Variants in KCNQ3 observed in about 807,000 individuals in gnomAD.
The protein encoded by KCNQ3 is potassium voltage-gated channel subfamily Q member 3.
Under a neutral mutation model 92.5 loss-of-function variants are expected in KCNQ3, and 30 were observed. The ratio of observed to expected loss-of-function variants is 0.32; its 90% CI spans 0.24 to 0.44. KCNQ3 has a LOEUF of 0.44. KCNQ3 is among the 20% of genes least tolerant of loss of function. The pLI, the probability that KCNQ3 is intolerant of heterozygous loss-of-function variation, is 1.00. For synonymous variants in KCNQ3, 450 were observed against 468.8 expected (o/e 0.96, Z 0.52); for missense variants, 913 against 1,140.3 (o/e 0.80, Z 2.87).
At chr8:132,246,327 T>G (rs1455764586) in intron 1 of KCNQ3, among the ~76,000 whole-genome samples, 1 of 152,178 alleles carries the variant, frequency 6.6e-6, no homozygotes, top group Admixed American at 6.5e-5. Context: ...AGAAGGAACA[T>G]GAGGGGGAAC....
At chr8:132,387,227 A>T (rs1235037939) in intron 1 of KCNQ3, among the ~76,000 whole-genome samples, 6 of 152,244 alleles carry the variant, frequency 3.9e-5, no homozygotes, top group Non-Finnish European at 8.8e-5. Context: ...AATAGGGCTC[A>T]TGCCAAGAAC....
intron 1 of KCNQ3, among the ~76,000 whole-genome samples, chr8:132,345,091 T>G (rs564580749): frequency 1.3e-5 from 2 of 152,296 alleles, no homozygotes. Context: ...TGAGGGATTT[T>G]AAGTGAATCC....
At chr8:132,380,266 G>T (rs957835379) in intron 1 of KCNQ3, among the ~76,000 whole-genome samples, 1 of 152,196 alleles carries the variant, frequency 6.6e-6, no homozygotes, top group East Asian at 1.9e-4. Flanking sequence ...GCCCAGGCCA[G>T]TGAAGACCAA....
chr8:132,312,679 A>G lies in KCNQ3; in HGVS notation c.387-126498T>C, dbSNP rs1222307156. On this transcript the variant is annotated intron_variant, in intron 1 of 14. Transcript: ENST00000388996. ...CGGTTTCCCCCATGTTGTTCTTGTG[A>G]TAGTGAGTGAGTTCTCACAAGATCT... Among the ~76,000 whole-genome samples the G allele has an allele frequency of 3.9e-5, 6 of 152,130 alleles. No homozygotes were observed. In the East Asian group the frequency reaches 7.7e-4, roughly 20 times the overall value.
intron 1 of KCNQ3, among the ~76,000 whole-genome samples, chr8:132,471,274 G>A (rs971932071): frequency 2.0e-5 from 3 of 152,196 alleles, no homozygotes; most frequent in African/African-American, 7.2e-5. Flanking sequence ...CACCACACAA[G>A]AGTGAGGATT....
chr8:132,239,320 A>C (rs559668693), intron 1 of KCNQ3, among the ~76,000 whole-genome samples: 49 of 152,224 alleles, frequency 3.2e-4, no homozygotes, highest in Non-Finnish European at 5.6e-4. Context: ...AAGAAGATGT[A>C]ATCAACCACA....
chr8:132,129,223 C>G lies in KCNQ3; in HGVS notation c.*39G>C, dbSNP rs756552549. On this transcript the variant is annotated 3_prime_UTR_variant, in exon 15 of 15. Coordinates refer to ENST00000388996, the MANE Select transcript of KCNQ3 (RefSeq NM_004519.4). The surrounding 1 kb of genome is among the most constrained non-coding windows in gnomAD (Gnocchi z 5.9). ...TAAGAGTAAGTGAACTATACAAAGT[C>G]TGTCTACATTACAAGGAGGGGTCAG... 7 of 1,601,226 alleles carry G rather than the reference C, an allele frequency of 4.4e-6. No individual in the cohort carries two copies. Among genetic ancestry groups the G allele is most frequent in the Non-Finnish European group, 5.9e-6 (7 of 1,178,848 alleles).
intron 1 of KCNQ3, among the ~76,000 whole-genome samples, chr8:132,417,904 TGGAGA>T (rs1344208202): frequency 7.2e-5 from 11 of 152,178 alleles, no homozygotes; most frequent in Admixed American, 5.9e-4. Context: ...GATGCAGGTC[TGGAGA>T]CCCATGAGCC....
At chr8:132,268,321 GC>G (rs1482663313) in intron 1 of KCNQ3, among the ~76,000 whole-genome samples, 1 of 152,140 alleles carries the variant, frequency 6.6e-6, no homozygotes, top group Non-Finnish European at 1.5e-5. Flanking sequence ...TGGTCACCCA[GC>G]AGCGCGATCT....
rs767903815 is a variant in KCNQ3, at chr8:132,129,963, C to T, written c.1918G>A (p.Val640Met). The change falls in exon 15 of 15, where the codon GTG (valine) becomes ATG (methionine). Residue 640 changes from valine (V) to methionine (M), a missense_variant. By Grantham distance (21) the Val-to-Met change is conservative (BLOSUM62 1). This residue lies in a region of KCNQ3 where 375 missense variants were observed against 376.4 expected (regional missense o/e 1.00). Transcript: ENST00000388996. The surrounding 1 kb of genome is among the most constrained non-coding windows in gnomAD (Gnocchi z 5.9). ...QDMGKKLDFLVDMHMQHMERL... is the reference protein window; with the variant it reads ...QDMGKKLDFLMDMHMQHMERL... ...TCCATGTGTTGCATGTGCATATCCA[C>T]GAGGAAGTCCAGCTTCTTCCCCATG... 2.4e-5 allele frequency: 38 copies of T among 1,613,780 alleles called. No homozygotes were observed. The East Asian group carries it at 4.2e-4, about 18-fold the overall frequency.
At chr8:132,304,938 G>T (rs933061700) in intron 1 of KCNQ3, among the ~76,000 whole-genome samples, 1 of 152,142 alleles carries the variant, frequency 6.6e-6, no homozygotes, top group East Asian at 1.9e-4. Flanking sequence ...GGCAATTAGG[G>T]AGTAACTGAA....
chr8:132,151,610 A>T (rs1825637749), intron 9 of KCNQ3, among the ~76,000 whole-genome samples: 1 of 152,228 alleles, frequency 6.6e-6, no homozygotes, highest in Non-Finnish European at 1.5e-5. Flanking sequence ...GTAAAGGGTT[A>T]TAAAAGGTTT....
At chr8:132,329,030 T>G (rs1818150704) in intron 1 of KCNQ3, among the ~76,000 whole-genome samples, 1 of 152,184 alleles carries the variant, frequency 6.6e-6, no homozygotes, top group African/African-American at 2.4e-5. Flanking sequence ...GCCTACTAAG[T>G]GCCAGGCATT....
intron 1 of KCNQ3, among the ~76,000 whole-genome samples, chr8:132,221,037 A>C (rs912796127): frequency 6.6e-6 from 1 of 152,080 alleles, no homozygotes; most frequent in Non-Finnish European, 1.5e-5. Flanking sequence ...TCATTGTTCA[A>C]TTCCCACCTA....
intron 1 of KCNQ3, among the ~76,000 whole-genome samples, chr8:132,414,573 T>C (rs1820743276): frequency 6.6e-6 from 1 of 152,164 alleles, no homozygotes; most frequent in African/African-American, 2.4e-5. Flanking sequence ...CAACAGATAC[T>C]AGAACAGTTG....
intron 1 of KCNQ3, among the ~76,000 whole-genome samples, chr8:132,304,281 G>C (rs147324441): frequency 6.6e-6 from 1 of 152,106 alleles, no homozygotes. Context: ...AACTGTACTT[G>C]TACCCCCTAA....
intron 1 of KCNQ3, among the ~76,000 whole-genome samples, chr8:132,310,481 T>G (rs1187701249): frequency 6.6e-6 from 1 of 152,180 alleles, no homozygotes; most frequent in Non-Finnish European, 1.5e-5. Flanking sequence ...AAGGGTAACC[T>G]ACAGGAGGAG....
intron 3 of KCNQ3, among the ~76,000 whole-genome samples, chr8:132,182,428 A>C (rs142170341): frequency 1.7e-4 from 26 of 152,356 alleles, no homozygotes; most frequent in African/African-American, 6.0e-4. Context: ...AGAATTGGAT[A>C]TGAGTACAAT....
At chr8:132,371,126 G>A (rs2130737911) in intron 1 of KCNQ3, among the ~76,000 whole-genome samples, 1 of 152,246 alleles carries the variant, frequency 6.6e-6, no homozygotes, top group East Asian at 1.9e-4. Context: ...AGATTGGTGT[G>A]GACACAAATC....
Sources: allele counts gnomAD v4.1 joint callset (sites outside exome capture counted in the v4.1 genomes callset), GRCh38; gene constraint gnomAD v4.1.1; regional missense constraint gnomAD v4.1.1; non-coding constraint Gnocchi (gnomAD v3.1); transcripts MANE v1.5; gene names NCBI Gene and HGNC (gene_info 2026-07-23, HGNC 2026-07-21).